The following ROCK1 variants were observed in gnomAD, a reference collection of about 807,000 sequenced individuals.
The protein encoded by ROCK1 is Rho associated coiled-coil containing protein kinase 1.
ROCK1 carries 36 observed loss-of-function variants against 196.8 expected under a neutral mutation model. That is an observed-to-expected ratio of 0.18 (90% CI 0.14 to 0.24). The LOEUF is 0.24. Among genes scored for constraint, ROCK1 ranks in the 10% least tolerant of loss-of-function variants. The pLI is 1.00. For missense variants in ROCK1, 920 were observed against 1,562.0 expected, an observed-to-expected ratio of 0.59 and a Z score of 6.93; for synonymous variants, 443 against 515.9, an observed-to-expected ratio of 0.86 and a Z score of 1.91.
At chr18:21,008,933 G>A (rs1372977785) in intron 13 of ROCK1, among the ~76,000 whole-genome samples, 2 of 152,094 alleles carry the variant, frequency 1.3e-5, no homozygotes, top group African/African-American at 4.8e-5. Context: ...TATAAGGAGT[G>A]TATGATTCTC....
At chr18:21,064,102 GTAATT>G (rs1239422225) in intron 2 of ROCK1, among the ~76,000 whole-genome samples, 1 of 152,084 alleles carries the variant, frequency 6.6e-6, no homozygotes, top group Non-Finnish European at 1.5e-5. Context: ...AAGCAACTAA[GTAATT>G]TTTTTTAATA....
intron 1 of ROCK1, among the ~76,000 whole-genome samples, chr18:21,089,671 T>C (rs560125721): frequency 6.6e-6 from 1 of 152,352 alleles, no homozygotes; most frequent in East Asian, 1.9e-4. Flanking sequence ...ACCTTAAACA[T>C]GTTCAGAACA....
intron 2 of ROCK1, among the ~76,000 whole-genome samples, chr18:21,051,190 G>A (rs1242898903): frequency 6.6e-6 from 1 of 152,192 alleles, no homozygotes; most frequent in African/African-American, 2.4e-5. Flanking sequence ...GCTCATGCCT[G>A]TAATCCCAAA....
intron 16 of ROCK1, among the ~76,000 whole-genome samples, chr18:20,997,810 C>CAA (rs1360309068): frequency 1.3e-5 from 2 of 149,412 alleles, no homozygotes; most frequent in South Asian, 2.1e-4. Flanking sequence ...CACAATGAAA[C>CAA]AAAACTAGAA....
intron 2 of ROCK1, among the ~76,000 whole-genome samples, chr18:21,060,657 T>C (rs1011339733): frequency 3.9e-5 from 6 of 151,962 alleles, no homozygotes; most frequent in Admixed American, 2.0e-4. Flanking sequence ...CTGACCAACA[T>C]GGAGAAACCC....
rs1012386118 is a variant in ROCK1, at chr18:21,087,731, C to G, written c.94-17118G>C. Among the ~76,000 whole-genome samples the G allele has an allele frequency of 3.9e-5, 6 of 152,252 alleles. No homozygotes were observed. In the East Asian group the frequency reaches 1.2e-3, roughly 29 times the overall value. The stretch of plus-strand genomic sequence containing the variant: ...TAGACAAATCTACAATTTTAGTCGG[C>G]AACTTGAATACTTCTCTCTTAAAAA... On this transcript the variant is annotated intron_variant, in intron 1 of 32. Transcript: ENST00000399799.
intron 22 of ROCK1, among the ~76,000 whole-genome samples, chr18:20,976,696 C>T (rs1031105243): frequency 2.4e-4 from 37 of 152,152 alleles, no homozygotes; most frequent in African/African-American, 8.7e-4. Flanking sequence ...TTTCTGTATG[C>T]AAAGACTATC....
In ROCK1 at chr18:21,045,124, G is replaced by C. The variant is rs181094967; in HGVS notation, c.590+168C>G. Reference sequence around the variant, plus strand: ...GATCTGCCTGCCTCGGCCTCCCAAAGCTCTGGGATTACAGGCGTGAGGCAG... The same window carrying C: ...GATCTGCCTGCCTCGGCCTCCCAAACCTCTGGGATTACAGGCGTGAGGCAG... On this transcript the variant is annotated intron_variant, in intron 5 of 32. Transcript: ENST00000399799. The C allele has an allele frequency of 2.7e-5, 13 of 474,882 alleles. No homozygotes were observed. The Admixed American group carries it at 3.8e-4, about 14-fold the overall frequency. 29.4% of individuals were successfully genotyped at this position (474,882 alleles called of 1,614,324 possible).
At chr18:21,103,537 C>A (rs938173581) in intron 1 of ROCK1, among the ~76,000 whole-genome samples, 1 of 151,956 alleles carries the variant, frequency 6.6e-6, no homozygotes, top group African/African-American at 2.4e-5. Context: ...TGGCTCACTG[C>A]AGCCTCAATC....
rs2035583747 is a variant in ROCK1 at position 20,986,979 on chromosome 18, T to C, written c.2275A>G (p.Thr759Ala). The change falls in exon 19 of 33, where the codon ACT becomes GCT. Residue 759 changes from threonine to alanine, a missense_variant. Around this residue, in one of 6 missense-constraint regions of ROCK1, gnomAD observed 520 missense variants for 657.1 expected, o/e 0.79. Transcript: ENST00000399799. ...KQSQQKLEHL[T>A]GNKERMEDEV... ...TCCTCCATCCTTTCTTTATTTCCAG[T>C]CAAATGTTCTAGTTTCTGCTGAGAT... The C allele has an allele frequency of 6.3e-7, 1 of 1,598,450 alleles. No homozygotes were observed. Among genetic ancestry groups the C allele is most frequent in the East Asian group, 2.3e-5 (1 of 44,208 alleles).
At chr18:21,052,049 T>C (rs922130985) in intron 2 of ROCK1, among the ~76,000 whole-genome samples, 5 of 152,148 alleles carry the variant, frequency 3.3e-5, no homozygotes, top group African/African-American at 1.2e-4. Flanking sequence ...GCCTGTTACG[T>C]TGAAAAAAAG....
intron 1 of ROCK1, among the ~76,000 whole-genome samples, chr18:21,086,219 C>A (rs898409720): frequency 5.3e-5 from 8 of 150,660 alleles, no homozygotes; most frequent in Non-Finnish European, 8.8e-5. Flanking sequence ...TCAAGCTATT[C>A]TCCTGCCTCA....
At chr18:20,959,098 AT>A (rs1436702628) in intron 29 of ROCK1, among the ~76,000 whole-genome samples, 2 of 18,718 alleles carry the variant, frequency 1.1e-4, no homozygotes, top group African/African-American at 5.2e-4. Flanking sequence ...TATATAATAT[AT>A]ATATTATATA....
intron 29 of ROCK1, among the ~76,000 whole-genome samples, chr18:20,957,696 G>C (rs1317636546): frequency 1.3e-5 from 2 of 151,742 alleles, no homozygotes; most frequent in Non-Finnish European, 2.9e-5. Flanking sequence ...TGGCCAGACT[G>C]GTCTCGAATG....
At chr18:21,080,767 T>C (rs1178966186) in intron 1 of ROCK1, among the ~76,000 whole-genome samples, 2 of 152,078 alleles carry the variant, frequency 1.3e-5, no homozygotes, top group African/African-American at 2.4e-5. Context: ...ACATTACATA[T>C]TGATAAAAGA....
At chr18:20,958,941 AAAT>A (rs1323049393) in intron 29 of ROCK1, among the ~76,000 whole-genome samples, 4 of 94,560 alleles carry the variant, frequency 4.2e-5, no homozygotes, top group Non-Finnish European at 5.8e-5. Context: ...ATTATATAAA[AAAT>A]AATATATATA....
intron 11 of ROCK1, among the ~76,000 whole-genome samples, chr18:21,021,220 A>C (rs2035910247): frequency 6.6e-6 from 1 of 152,200 alleles, no homozygotes; most frequent in Admixed American, 6.5e-5. Context: ...GGACAGGAAA[A>C]CAGTGAGTTT....
intron 1 of ROCK1, among the ~76,000 whole-genome samples, chr18:21,094,684 T>C (rs1186520646): frequency 6.6e-6 from 1 of 150,656 alleles, no homozygotes; most frequent in African/African-American, 2.4e-5. Flanking sequence ...GAGAGGTCAA[T>C]GCTGCAGTAA....
At position 21,044,177 on chromosome 18, in the gene ROCK1, C is replaced by T. The variant is rs2036135218; in HGVS notation, c.600G>A (p.Lys200=). The change falls in exon 6 of 33, where the codon AAG becomes AAA. Residue 200 remains lysine, a synonymous_variant. Transcript: ENST00000399799. ...HSMGFIHRDV[K]PDNMLLDKSG... is the part of the protein sequence containing the mutation. ...ATTTATCCAGCAGCATGTTATCAGG[C>T]TTCACATCTCTGCAGGAGGGAAAAA... The T allele has an allele frequency of 1.9e-6, 3 of 1,611,326 alleles. No homozygotes were observed. The highest frequency in any genetic ancestry group is 2.5e-6 in the Non-Finnish European group (3 of 1,178,618).
Sources: allele counts gnomAD v4.1 joint callset (sites outside exome capture counted in the v4.1 genomes callset), GRCh38; gene constraint gnomAD v4.1.1; regional missense constraint gnomAD v4.1.1; transcripts MANE v1.5; gene names NCBI Gene and HGNC (gene_info 2026-07-23, HGNC 2026-07-21).